The following GRID1 variants were observed in gnomAD, a reference collection of about 807,000 sequenced individuals.
GRID1 encodes the protein glutamate receptor ionotropic, delta-1.
A neutral mutation model predicts 98.0 loss-of-function variants in GRID1; 28 were observed. The observed-to-expected ratio is 0.29, with a 90% CI of 0.21 to 0.39. GRID1 has a LOEUF of 0.39. GRID1 is among the 10% of genes least tolerant of loss of function. The pLI is 1.00. For missense variants in GRID1, 1,111 were observed against 1,340.5 expected (o/e 0.83, Z 2.67); for synonymous variants, 553 against 538.5 (o/e 1.03, Z -0.37).
chr10:86,308,979 G>A (rs560149757), intron 2 of GRID1, among the ~76,000 whole-genome samples: 5 of 152,222 alleles, frequency 3.3e-5, no homozygotes, highest in South Asian at 4.2e-4. Flanking sequence ...TTCAACATGC[G>A]TTTTGGAGAG....
intron 4 of GRID1, among the ~76,000 whole-genome samples, chr10:86,030,213 AG>A (rs1843168107): frequency 6.6e-6 from 1 of 152,222 alleles, no homozygotes; most frequent in African/African-American, 2.4e-5. Context: ...TATATAAGAA[AG>A]GATCTTGTAT....
intron 8 of GRID1, among the ~76,000 whole-genome samples, chr10:85,741,913 A>T (rs186666108): frequency 1.5e-3 from 221 of 152,218 alleles, no homozygotes; most frequent in Non-Finnish European, 2.6e-3. Context: ...CACGTTCCCA[A>T]TAAATCTTAT....
Position 85,794,795 on chromosome 10 carries a change from C to G in GRID1, c.1233+59701G>C, listed in dbSNP as rs111439515. Among the ~76,000 whole-genome samples the G allele has an allele frequency of 4.5e-3, 684 of 152,300 alleles. 2 individuals carry two copies. The highest frequency in any genetic ancestry group is 0.015 in the African/African-American group (635 of 41,560). On this transcript the variant is annotated intron_variant, in intron 8 of 15. Coordinates refer to ENST00000327946, the MANE Select transcript of GRID1 (RefSeq NM_017551.3). ...AGACCCTGCATTTGCCTCCTGTAAT[C>G]ATAAGACAGTATAGCCATGCCCTTG...
intron 12 of GRID1, among the ~76,000 whole-genome samples, chr10:85,683,378 A>C (rs1245520157): frequency 2.6e-5 from 4 of 152,222 alleles, no homozygotes; most frequent in Non-Finnish European, 5.9e-5. Flanking sequence ...TAAGAGTGGA[A>C]ATTTTTAAAA....
At chr10:85,625,721 T>C (rs979259571) in intron 13 of GRID1, among the ~76,000 whole-genome samples, 1 of 152,154 alleles carries the variant, frequency 6.6e-6, no homozygotes, top group Non-Finnish European at 1.5e-5. Flanking sequence ...CTCTAACACT[T>C]ACAGCATCCT....
chr10:85,804,219 C>T lies in GRID1; in HGVS notation c.1233+50277G>A, dbSNP rs755882198. ...AGACAGGGTATCACTACTGATTCTACGAACATGAAAATGATAATAAAAGAC... is the reference window on the plus strand; with the variant it reads ...AGACAGGGTATCACTACTGATTCTATGAACATGAAAATGATAATAAAAGAC... On this transcript the variant is annotated intron_variant, in intron 8 of 15. Coordinates refer to ENST00000327946, the MANE Select transcript of GRID1 (RefSeq NM_017551.3). Among the ~76,000 whole-genome samples the T allele has an allele frequency of 5.3e-5, 8 of 150,872 alleles. No individual in the cohort carries two copies. In the South Asian group the frequency reaches 6.3e-4, roughly 12 times the overall value.
At chr10:85,795,658 T>A (rs540850414) in intron 8 of GRID1, among the ~76,000 whole-genome samples, 1 of 151,746 alleles carries the variant, frequency 6.6e-6, no homozygotes, top group East Asian at 1.9e-4. Flanking sequence ...AAACAGGAAG[T>A]GGAGGAGAAA....
intron 6 of GRID1, among the ~76,000 whole-genome samples, chr10:85,861,347 C>G (rs986602128): frequency 6.6e-6 from 1 of 152,208 alleles, no homozygotes; most frequent in African/African-American, 2.4e-5. Context: ...TGTACATGTC[C>G]CTGGCCTCCT....
chr10:85,984,117 C>T (rs1842579235), intron 4 of GRID1, among the ~76,000 whole-genome samples: 1 of 152,072 alleles, frequency 6.6e-6, no homozygotes, highest in African/African-American at 2.4e-5. Context: ...AGCCTCCTCA[C>T]CTCTCCCTGC....
chr10:85,983,735 T>C (rs1459873585), intron 4 of GRID1, among the ~76,000 whole-genome samples: 6 of 152,012 alleles, frequency 3.9e-5, no homozygotes, highest in African/African-American at 7.2e-5. Flanking sequence ...AAAGCTCCCA[T>C]AGAGTCTCCA....
chr10:86,234,430 C>G (rs185661890), intron 2 of GRID1, among the ~76,000 whole-genome samples: 10 of 152,344 alleles, frequency 6.6e-5, no homozygotes, highest in Middle Eastern at 3.4e-3. Flanking sequence ...TGCATCCAGA[C>G]ACACGGAAGG....
At chr10:86,012,763 G>T (rs971211469) in intron 4 of GRID1, among the ~76,000 whole-genome samples, 20 of 152,188 alleles carry the variant, frequency 1.3e-4, no homozygotes, top group African/African-American at 4.8e-4. Flanking sequence ...ATGACAAAAT[G>T]CCTTCTATGA....
At chr10:85,979,795 T>A (rs1046699509) in intron 4 of GRID1, among the ~76,000 whole-genome samples, 1 of 152,180 alleles carries the variant, frequency 6.6e-6, no homozygotes, top group African/African-American at 2.4e-5. Flanking sequence ...CAGACACTGG[T>A]CCACAGGGCT....
At chr10:86,324,706 G>C (rs1229221336) in intron 2 of GRID1, among the ~76,000 whole-genome samples, 1 of 152,020 alleles carries the variant, frequency 6.6e-6, no homozygotes, top group Non-Finnish European at 1.5e-5. Flanking sequence ...AAATAAAATG[G>C]CAAGGAAAAG....
Position 85,613,413 on chromosome 10 carries a change from G to A in GRID1, c.2595C>T (p.Pro865=). The change falls in exon 15 of 16, where the codon CCC becomes CCT. Residue 865 remains proline (P), a synonymous_variant. Coordinates refer to ENST00000327946, the MANE Select transcript of GRID1 (RefSeq NM_017551.3). ...WNSNRCHQET[P]KEDKEVNLEQ... Reference sequence around the variant, plus strand: ...CAGGCCCCAGGGTGCTGACCTCCTTGGGGGTCTCCTGGTGGCACCGGTTGC... The same window carrying A: ...CAGGCCCCAGGGTGCTGACCTCCTTAGGGGTCTCCTGGTGGCACCGGTTGC... The A allele has an allele frequency of 6.2e-7, 1 of 1,612,630 alleles. No homozygotes were observed. Among genetic ancestry groups the A allele is most frequent in the Non-Finnish European group, 8.5e-7 (1 of 1,179,680 alleles).
chr10:85,655,641 C>T (rs1840886350), intron 12 of GRID1, among the ~76,000 whole-genome samples: 1 of 152,178 alleles, frequency 6.6e-6, no homozygotes, highest in African/African-American at 2.4e-5. Context: ...TCTTCTAAAT[C>T]TCCCTGTGCA....
chr10:86,055,707 C>T (rs899919572), intron 4 of GRID1, among the ~76,000 whole-genome samples: 9 of 152,148 alleles, frequency 5.9e-5, no homozygotes, highest in Admixed American at 6.5e-5. Context: ...TGTGCCACTG[C>T]ACTCCAGCCT....
intron 3 of GRID1, among the ~76,000 whole-genome samples, chr10:86,163,050 G>C (rs1196069001): frequency 6.6e-6 from 1 of 152,242 alleles, no homozygotes; most frequent in Non-Finnish European, 1.5e-5. Context: ...CACAGGGGCT[G>C]AGATTCCAAA....
chr10:86,012,816 C>T (rs1381923953), intron 4 of GRID1, among the ~76,000 whole-genome samples: 1 of 152,212 alleles, frequency 6.6e-6, no homozygotes, highest in African/African-American at 2.4e-5. Flanking sequence ...CTGCTGGGAC[C>T]TTGATCTTGG....
Sources: gnomAD v4.1 joint callset for allele counts (sites outside exome capture counted in the v4.1 genomes callset) on GRCh38, gnomAD v4.1.1 for gene constraint, MANE v1.5 for transcripts, NCBI Gene and HGNC (gene_info 2026-07-23, HGNC 2026-07-21) for gene names.